The following CUL4A variants were observed in gnomAD, a reference collection of about 807,000 sequenced individuals.
The protein encoded by CUL4A is cullin-4A.
Under a neutral mutation model 95.5 loss-of-function variants are expected in CUL4A, and 16 were observed. That is an observed-to-expected ratio of 0.17 (90% confidence interval 0.11 to 0.25). The LOEUF (loss-of-function observed/expected upper bound fraction) is 0.25, where lower values mean the gene tolerates loss of function less well. Ranked by LOEUF, CUL4A falls within the 10% of genes least tolerant of loss-of-function variation. CUL4A has a pLI of 1.00. For synonymous variants in CUL4A, 380 were observed against 353.1 expected (o/e 1.08, Z -0.85); for missense variants, 610 against 937.0 (o/e 0.65, Z 4.56).
chr13:113,218,629 C>T (rs917081587), intron 2 of CUL4A, among the ~76,000 whole-genome samples: 18 of 152,292 alleles, frequency 1.2e-4, no homozygotes, highest in African/African-American at 3.8e-4. Flanking sequence ...TGAGAAGTCC[C>T]AAGTGACTGG....
chr13:113,254,898 T>C (rs1303904299), intron 17 of CUL4A, 55 bp from the exon 18 acceptor site: 7 of 1,600,852 alleles, frequency 4.4e-6, no homozygotes, highest in Non-Finnish European at 6.0e-6. Flanking sequence ...GGTTTACTGT[T>C]GTTGAGTCTC....
At chr13:113,242,233 C>T (rs1455428284) in intron 10 of CUL4A, among the ~76,000 whole-genome samples, 1 of 151,786 alleles carries the variant, frequency 6.6e-6, no homozygotes, top group Non-Finnish European at 1.5e-5. Flanking sequence ...CCACTGCACT[C>T]CAGCCTGGTG....
At chr13:113,239,877 G>A (rs2041656585) in intron 10 of CUL4A, among the ~76,000 whole-genome samples, 1 of 152,200 alleles carries the variant, frequency 6.6e-6, no homozygotes, top group African/African-American at 2.4e-5. Flanking sequence ...AATCATTTTT[G>A]TAAATCTGCT....
chr13:113,251,103 G>A (rs910175747), intron 15 of CUL4A, among the ~76,000 whole-genome samples: 4 of 152,304 alleles, frequency 2.6e-5, no homozygotes, highest in Admixed American at 2.0e-4. Context: ...CTGCAATGGG[G>A]AGTCAGAGAG....
intron 6 of CUL4A, 81 bp from the exon 7 acceptor site, chr13:113,233,816 C>T (rs370887367): frequency 3.5e-5 from 30 of 863,826 alleles, no homozygotes; most frequent in Middle Eastern, 2.2e-4. Context: ...CAGCCTGCCC[C>T]GTCAGAAACT....
chr13:113,256,776 G>A (rs1343918167), intron 18 of CUL4A, among the ~76,000 whole-genome samples: 1 of 152,020 alleles, frequency 6.6e-6, no homozygotes, highest in Non-Finnish European at 1.5e-5. Flanking sequence ...ACATGTTGAT[G>A]CTGCTCTTTT....
At chr13:113,252,250 A>G (rs2042013213) in intron 15 of CUL4A, among the ~76,000 whole-genome samples, 2 of 152,148 alleles carry the variant, frequency 1.3e-5, no homozygotes, top group Admixed American at 1.3e-4. Flanking sequence ...TGGAAAATGT[A>G]AGAAATTCAC....
At chr13:113,260,806 A>G (rs771131094) in intron 19 of CUL4A, 47 bp downstream of exon 19, 2 of 1,365,688 alleles carry the variant, frequency 1.5e-6, no homozygotes, top group Non-Finnish European at 2.0e-6. Flanking sequence ...TTGCTAAACA[A>G]TTGACAAAGC....
At chr13:113,219,383 A>T (rs2040814452) in intron 3 of CUL4A, 1 of 215,666 alleles carries the variant, frequency 4.6e-6, no homozygotes, top group Non-Finnish European at 9.3e-6. Context: ...TTGGCGACTT[A>T]TGGAGACACC....
chr13:113,208,782 G>A (rs1450195434), upstream of CUL4A: 4 of 1,421,758 alleles, frequency 2.8e-6, no homozygotes, highest in South Asian at 1.5e-5. Context: ...CCTGGGGACC[G>A]GCTCGGCGAC....
chr13:113,248,032 C>A (rs886593184), intron 15 of CUL4A, among the ~76,000 whole-genome samples: 1 of 152,184 alleles, frequency 6.6e-6, no homozygotes, highest in Non-Finnish European at 1.5e-5. Context: ...GAGGTGCGCA[C>A]TATCACGTGC....
chr13:113,234,030 C>A, intron 7 of CUL4A, 44 bp downstream of exon 7: 1 of 1,188,318 alleles, frequency 8.4e-7, no homozygotes, highest in Non-Finnish European at 1.2e-6. Flanking sequence ...TTCGTTTCTG[C>A]AGATGAGCAC....
rs1197388632 is a variant in CUL4A, at chr13:113,260,211, A to AAAAAAAAAAAAAAAC, written c.2032-388_2032-387insAAAAAACAAAAAAAA. On this transcript the variant is annotated intron_variant, in intron 18 of 19. Coordinates refer to ENST00000375440, the MANE Select transcript of CUL4A (RefSeq NM_001008895.4). The stretch of plus-strand genomic sequence containing the variant: ...AGAGTGAGACTCCGTCTCAAAAAAA[A>AAAAAAAAAAAAAAAC]AAAAAAAACCATTTCCCATCAAATT... Among the ~76,000 whole-genome samples, 5 of 119,526 alleles carry AAAAAAAAAAAAAAAC rather than the reference A, an allele frequency of 4.2e-5. No individual in the cohort carries two copies. In the East Asian group the frequency reaches 1.3e-3, roughly 32 times the overall value. 78.4% of individuals were successfully genotyped at this position (119,526 alleles called of 152,430 possible). A position where few individuals can be genotyped will look rare whatever the true frequency, so the allele number is the denominator to read the frequency against.
chr13:113,220,193 G>T (rs1349668790), intron 3 of CUL4A, among the ~76,000 whole-genome samples: 1 of 152,218 alleles, frequency 6.6e-6, no homozygotes, highest in African/African-American at 2.4e-5. Context: ...AGCAGTTGGT[G>T]CTGCTGAAGT....
chr13:113,232,137 C>CCCACCACCATTACTGTCACCACTACCT (rs2041353902), intron 5 of CUL4A, among the ~76,000 whole-genome samples: 1 of 11,316 alleles, frequency 8.8e-5, no homozygotes. Flanking sequence ...CACCACTACC[C>CCCACCACCATTACTGTCACCACTACCT]GCCCACCACC....
At chr13:113,230,400 A>C (rs1375248914) in intron 5 of CUL4A, among the ~76,000 whole-genome samples, 1 of 152,110 alleles carries the variant, frequency 6.6e-6, no homozygotes, top group Non-Finnish European at 1.5e-5. Context: ...TACAACATCT[A>C]TACAATTTTG....
At chr13:113,229,980 CCAGGG>C in intron 5 of CUL4A, 1 of 325,292 alleles carries the variant, frequency 3.1e-6, no homozygotes, top group Non-Finnish European at 5.6e-6. Flanking sequence ...ACTGTATACA[CCAGGG>C]GTTCTGGGGC....
At chr13:113,223,743 A>C (rs2040991369) in intron 3 of CUL4A, among the ~76,000 whole-genome samples, 1 of 152,126 alleles carries the variant, frequency 6.6e-6, no homozygotes, top group South Asian at 2.1e-4. Flanking sequence ...TTGTATGCTG[A>C]TATTAGATTA....
chr13:113,215,260 G>A (rs1230301579), intron 2 of CUL4A, among the ~76,000 whole-genome samples: 7 of 151,472 alleles, frequency 4.6e-5, no homozygotes, highest in Non-Finnish European at 1.0e-4. Flanking sequence ...TGTGACTGTG[G>A]AGGTTGCTGT....
Sources: allele counts gnomAD v4.1 joint callset (sites outside exome capture counted in the v4.1 genomes callset), GRCh38; gene constraint gnomAD v4.1.1; transcripts MANE v1.5; gene names NCBI Gene and HGNC (gene_info 2026-07-23, HGNC 2026-07-21).